Variants in NCOR2 observed in about 807,000 individuals in gnomAD.
The protein encoded by NCOR2 is nuclear receptor corepressor 2, also known as CTG repeat protein 26.
A neutral mutation model predicts 262.9 loss-of-function variants in NCOR2; 81 were observed. The observed-to-expected ratio is 0.31, with a 90% CI of 0.26 to 0.37. The LOEUF is 0.37. Among genes scored for constraint, NCOR2 ranks in the 10% least tolerant of loss-of-function variants. The pLI is 1.00. For synonymous variants in NCOR2, 1,659 were observed against 1,559.3 expected (o/e 1.06, Z -1.51); for missense variants, 3,385 against 3,621.4 (o/e 0.93, Z 1.68).
chr12:124,401,301 T>C (rs934319494), intron 14 of NCOR2, among the ~76,000 whole-genome samples: 3 of 152,108 alleles, frequency 2.0e-5, no homozygotes, highest in African/African-American at 7.2e-5. Flanking sequence ...GGTAGTTAAT[T>C]GGCTGGCTAT....
chr12:124,373,109 G>A (rs1397513415), intron 19 of NCOR2, among the ~76,000 whole-genome samples: 1 of 152,264 alleles, frequency 6.6e-6, no homozygotes, highest in Admixed American at 6.5e-5. Flanking sequence ...GCTGGCAATT[G>A]TGAGGGCAAG....
intron 19 of NCOR2, among the ~76,000 whole-genome samples, chr12:124,373,216 C>T (rs570432470): frequency 3.4e-5 from 5 of 146,640 alleles, no homozygotes; most frequent in East Asian, 1.9e-4. Flanking sequence ...ACAGGGGACC[C>T]GGGCACAGTG....
intron 37 of NCOR2, among the ~76,000 whole-genome samples, chr12:124,337,974 C>T (rs1387292878): frequency 6.6e-6 from 1 of 152,234 alleles, no homozygotes; most frequent in African/African-American, 2.4e-5. Context: ...CTGTCACGGG[C>T]ATATCCCACA....
At chr12:124,405,989 C>T (rs913478202) in intron 13 of NCOR2, among the ~76,000 whole-genome samples, 3 of 152,164 alleles carry the variant, frequency 2.0e-5, no homozygotes, top group East Asian at 3.9e-4. Flanking sequence ...ATGCCCAGGC[C>T]GCACCCCACA....
intron 13 of NCOR2, among the ~76,000 whole-genome samples, chr12:124,410,760 G>A (rs948338093): frequency 1.3e-5 from 2 of 152,190 alleles, no homozygotes; most frequent in African/African-American, 2.4e-5. Context: ...CCACCGCACA[G>A]CGGCTGCCCC....
chr12:124,484,525 C>G (rs1158678173), intron 2 of NCOR2, among the ~76,000 whole-genome samples: 1 of 152,224 alleles, frequency 6.6e-6, no homozygotes, highest in Non-Finnish European at 1.5e-5. Context: ...AATGCTTTTC[C>G]CAGAGGCTAA....
At chr12:124,494,739 G>A (rs1446845320) in intron 1 of NCOR2, among the ~76,000 whole-genome samples, 1 of 152,118 alleles carries the variant, frequency 6.6e-6, no homozygotes, top group Non-Finnish European at 1.5e-5. Context: ...GGAAGGAAGG[G>A]GAGCTGTGAC....
At chr12:124,337,622 G>A (rs907110184) in intron 37 of NCOR2, among the ~76,000 whole-genome samples, 2 of 152,196 alleles carry the variant, frequency 1.3e-5, no homozygotes, top group East Asian at 1.9e-4. Flanking sequence ...TCAGGGAGGG[G>A]GCACATGAGG....
chr12:124,344,914 G>T, exon 32 of NCOR2: 8 of 1,572,214 alleles, frequency 5.1e-6, no homozygotes, highest in Non-Finnish European at 6.9e-6. Flanking sequence ...TTTGGAGCCA[G>T]TGGTGGACGC....
At chr12:124,470,947 C>T (rs1038859968) in intron 4 of NCOR2, among the ~76,000 whole-genome samples, 1 of 152,254 alleles carries the variant, frequency 6.6e-6, no homozygotes, top group African/African-American at 2.4e-5. Context: ...GCAGCTTCAG[C>T]CCCACCCCAA....
At chr12:124,413,002 A>G (rs2042666558) in intron 13 of NCOR2, among the ~76,000 whole-genome samples, 1 of 152,212 alleles carries the variant, frequency 6.6e-6, no homozygotes, top group Non-Finnish European at 1.5e-5. Flanking sequence ...AGGAAGTCGG[A>G]AGCCTCGCTG....
chr12:124,480,618 G>C (rs1005767799), intron 3 of NCOR2, among the ~76,000 whole-genome samples: 12 of 152,122 alleles, frequency 7.9e-5, no homozygotes, highest in African/African-American at 2.9e-4. Flanking sequence ...GTTTCAAAGA[G>C]GAGTGAAATC....
rs2050745310 is a variant in NCOR2, at chr12:124,531,034, A to G, written c.-118+4531T>C. On this transcript the variant is annotated intron_variant, in intron 1 of 46. Coordinates refer to the NCOR2 transcript ENST00000404621. The surrounding 1 kb of genome is among the most constrained non-coding windows in gnomAD (Gnocchi z 4.5). Reference sequence around the variant, plus strand: ...CTGATGCCTGCTGTCCGGACAGGACACGGTTCCTGGGCTCCACCCAACCCG... The same window carrying G: ...CTGATGCCTGCTGTCCGGACAGGACGCGGTTCCTGGGCTCCACCCAACCCG... Among the ~76,000 whole-genome samples, 1 of 152,284 alleles carries G rather than the reference A, an allele frequency of 6.6e-6. No individual in the cohort carries two copies. The highest frequency in any genetic ancestry group is 2.1e-4 in the South Asian group (1 of 4,824).
rs1441496662 is a variant in NCOR2, at chr12:124,334,943, G to A, written c.6411+192C>T. The A allele has an allele frequency of 1.2e-5, 9 of 766,290 alleles. No individual in the cohort carries two copies. In the Admixed American group the frequency reaches 1.2e-4, roughly 11 times the overall value. The allele number at this position is 766,290 out of a possible 1,614,324, so 47.5% of individuals were successfully genotyped here. On this transcript the variant is annotated intron_variant, in intron 40 of 46. Coordinates refer to ENST00000405201, the Ensembl canonical transcript of NCOR2. Reference sequence around the variant, plus strand: ...ACAGGCTCCTCCCATGGATTAGGGGGCGGTGATGGTGCCGGTGCTCGGGGC... The same window carrying A: ...ACAGGCTCCTCCCATGGATTAGGGGACGGTGATGGTGCCGGTGCTCGGGGC...
chr12:124,374,401 C>T lies in NCOR2; in HGVS notation c.2218+12G>A, dbSNP rs750953669. On this transcript the variant is annotated intron_variant, in intron 19 of 46. Transcript: ENST00000405201. ...CGGCCCTACCCCCCAGGCCAGCCGG[C>T]CACATTCGTACCTGGGCCACTGCAT... The T allele has an allele frequency of 1.2e-6, 2 of 1,612,282 alleles. No homozygotes were observed. Among genetic ancestry groups the T allele is most frequent in the South Asian group, 1.1e-5 (1 of 90,914 alleles).
At chr12:124,374,858 G>C (rs953165830) in intron 18 of NCOR2, among the ~76,000 whole-genome samples, 1 of 152,238 alleles carries the variant, frequency 6.6e-6, no homozygotes, top group African/African-American at 2.4e-5. Context: ...CAAGGTTGCA[G>C]GGAGAGGCTT....
chr12:124,486,554 C>A (rs778914876), exon 2 of NCOR2: 4 of 1,580,340 alleles, frequency 2.5e-6, no homozygotes, highest in Non-Finnish European at 3.4e-6. Flanking sequence ...GCTGGTACTC[C>A]AGGAGCCCGA....
At chr12:124,551,422 C>T (rs747412808) in intron 1 of NCOR2, among the ~76,000 whole-genome samples, 2 of 152,210 alleles carry the variant, frequency 1.3e-5, no homozygotes, top group Non-Finnish European at 2.9e-5. Context: ...TACACAGAGG[C>T]TCGTGGAAAA....
intron 17 of NCOR2, among the ~76,000 whole-genome samples, chr12:124,382,334 C>T (rs2040470749): frequency 6.6e-6 from 1 of 152,202 alleles, no homozygotes; most frequent in Admixed American, 6.5e-5. Context: ...CCTGCATCTG[C>T]TCCGCTTTCT....
Sources: allele counts gnomAD v4.1 joint callset (sites outside exome capture counted in the v4.1 genomes callset), GRCh38; gene constraint gnomAD v4.1.1; non-coding constraint Gnocchi (gnomAD v3.1); transcripts MANE v1.5; gene names NCBI Gene and HGNC (gene_info 2026-07-23, HGNC 2026-07-21).